CNBD1: variants seen among roughly 807,000 people sequenced by gnomAD.
CNBD1 encodes cyclic nucleotide binding domain containing 1.
Under a neutral mutation model 54.4 loss-of-function variants are expected in CNBD1, and 71 were observed. The ratio of observed to expected loss-of-function variants is 1.30; its 90% confidence interval spans 1.08 to 1.59. The LOEUF is 1.59. CNBD1 is among the 40% of genes most tolerant of loss of function. The probability of loss-of-function intolerance (pLI) is 0.00; values close to 1 mark genes in which losing one functional copy is unlikely to be tolerated. For missense variants in CNBD1, 659 were observed against 518.0 expected (o/e 1.27, Z -2.64); for synonymous variants, 182 against 170.7 (o/e 1.07, Z -0.51).
rs189586509 is a variant in CNBD1, at chr8:87,132,092, T to C, written c.432-73901T>C. Among the ~76,000 whole-genome samples, 9 of 152,122 alleles carry C rather than the reference T, an allele frequency of 5.9e-5. No homozygotes were observed. In the East Asian group the frequency reaches 1.7e-3, roughly 29 times the overall value. ...TTGCCTTATTTTTATATGTATGTAA[T>C]GTGTCTTGGGGCACTGCTTTTAAGA... On this transcript the variant is annotated intron_variant, in intron 4 of 10. Transcript: ENST00000518476.
At chr8:87,102,284 G>T (rs969980874) in intron 4 of CNBD1, among the ~76,000 whole-genome samples, 6 of 152,124 alleles carry the variant, frequency 3.9e-5, no homozygotes, top group African/African-American at 1.4e-4. Context: ...ATGGGTACAG[G>T]AGCAGACATA....
chr8:87,014,273 C>A, intron 4 of CNBD1, among the ~76,000 whole-genome samples: 1 of 41,930 alleles, frequency 2.4e-5, no homozygotes, highest in Admixed American at 3.4e-4. Context: ...GAATTGTTAG[C>A]AGTTTTTTTT....
chr8:87,320,845 T>C (rs1339499283), intron 8 of CNBD1, among the ~76,000 whole-genome samples: 2 of 152,142 alleles, frequency 1.3e-5, no homozygotes, highest in African/African-American at 4.8e-5. Context: ...AAATTTTATA[T>C]TCATTGCACA....
chr8:87,126,726 C>T (rs968124870), intron 4 of CNBD1, among the ~76,000 whole-genome samples: 2 of 151,804 alleles, frequency 1.3e-5, no homozygotes, highest in African/African-American at 4.8e-5. Flanking sequence ...CTCAAAGACA[C>T]AAGGAATTTC....
intron 4 of CNBD1, among the ~76,000 whole-genome samples, chr8:87,055,970 AATAATG>A (rs768801857): frequency 8.0e-5 from 12 of 150,772 alleles, no homozygotes; most frequent in Admixed American, 1.3e-4. Flanking sequence ...ATACTAAAAC[AATAATG>A]ATAATGAGAA....
chr8:87,113,975 G>A (rs113117262), intron 4 of CNBD1, among the ~76,000 whole-genome samples: 7 of 151,788 alleles, frequency 4.6e-5, no homozygotes, highest in Admixed American at 2.6e-4. Context: ...TAGTTCATTT[G>A]CAAAATAAAT....
intron 3 of CNBD1, among the ~76,000 whole-genome samples, chr8:86,923,562 CAG>C (rs138380802): frequency 1.6e-3 from 239 of 152,248 alleles, no homozygotes; most frequent in African/African-American, 5.4e-3. Context: ...AGATTGGACT[CAG>C]ATTCCCCGCC....
At chr8:87,186,431 T>C (rs758276916) in intron 4 of CNBD1, among the ~76,000 whole-genome samples, 5 of 152,110 alleles carry the variant, frequency 3.3e-5, no homozygotes, top group Non-Finnish European at 7.4e-5. Flanking sequence ...TTTACAACCA[T>C]CATTCCAGCT....
chr8:87,333,557 C>G (rs922700274), intron 8 of CNBD1, among the ~76,000 whole-genome samples: 1 of 152,058 alleles, frequency 6.6e-6, no homozygotes, highest in African/African-American at 2.4e-5. Context: ...CCATCAATAC[C>G]TAGTTTATTG....
chr8:87,143,966 T>C (rs1258459802), intron 4 of CNBD1, among the ~76,000 whole-genome samples: 1 of 152,208 alleles, frequency 6.6e-6, no homozygotes, highest in Non-Finnish European at 1.5e-5. Flanking sequence ...GGGTAAATTA[T>C]GACAAATACA....
chr8:86,998,474 A>G (rs575207048), intron 4 of CNBD1, among the ~76,000 whole-genome samples: 1 of 152,146 alleles, frequency 6.6e-6, no homozygotes, highest in Non-Finnish European at 1.5e-5. Flanking sequence ...TGTTTATGAG[A>G]GCTGAAGAAG....
intron 6 of CNBD1, among the ~76,000 whole-genome samples, chr8:87,267,934 A>T (rs767773612): frequency 1.3e-5 from 2 of 152,152 alleles, no homozygotes; most frequent in Admixed American, 6.5e-5. Flanking sequence ...TTAGTCTGCT[A>T]GTATTTTTGT....
chr8:87,303,565 A>G (rs1018885278), intron 8 of CNBD1, among the ~76,000 whole-genome samples: 1 of 152,230 alleles, frequency 6.6e-6, no homozygotes, highest in Non-Finnish European at 1.5e-5. Context: ...ACCATTCAGG[A>G]CATAGGCATG....
At position 87,315,745 on chromosome 8, in the gene CNBD1, G is replaced by T. The variant is rs574630813; in HGVS notation, c.1042+29074G>T. ...CAGCTGGGAATGTAGGTTGGTTAAT[G>T]GTTTCAAAATATAGTTAGATTGAAG... On this transcript the variant is annotated intron_variant, in intron 8 of 10. Coordinates refer to ENST00000518476, the MANE Select transcript of CNBD1 (RefSeq NM_173538.3). Among the ~76,000 whole-genome samples, 4 of 152,106 alleles carry T rather than the reference G, an allele frequency of 2.6e-5. No individual in the cohort carries two copies. In the South Asian group the frequency reaches 8.3e-4, roughly 32 times the overall value.
chr8:87,142,647 T>C (rs1416922752), intron 4 of CNBD1, among the ~76,000 whole-genome samples: 1 of 152,178 alleles, frequency 6.6e-6, no homozygotes, highest in Non-Finnish European at 1.5e-5. Flanking sequence ...GTACATTGTG[T>C]CTCTCTCCTA....
At chr8:87,002,917 T>C (rs1809022412) in intron 4 of CNBD1, among the ~76,000 whole-genome samples, 1 of 152,140 alleles carries the variant, frequency 6.6e-6, no homozygotes, top group Admixed American at 6.5e-5. Context: ...ATTATGTTTG[T>C]AAAAAAATAT....
At chr8:87,368,753 C>T (rs1182507709) in intron 10 of CNBD1, among the ~76,000 whole-genome samples, 1 of 151,990 alleles carries the variant, frequency 6.6e-6, no homozygotes, top group South Asian at 2.1e-4. Flanking sequence ...GCTGACCTTG[C>T]TTTTGTCTGT....
intron 1 of CNBD1, among the ~76,000 whole-genome samples, chr8:86,884,783 G>T (rs1039512560): frequency 6.6e-6 from 1 of 152,108 alleles, no homozygotes; most frequent in Non-Finnish European, 1.5e-5. Flanking sequence ...TGTTGCTATG[G>T]CTGCTGAACT....
intron 4 of CNBD1, among the ~76,000 whole-genome samples, chr8:87,195,008 C>T (rs980711154): frequency 2.6e-5 from 4 of 151,820 alleles, no homozygotes; most frequent in Non-Finnish European, 4.4e-5. Flanking sequence ...CTCAGCCTCC[C>T]GAGTAGCTGG....
Sources: gnomAD v4.1 joint callset for allele counts (sites outside exome capture counted in the v4.1 genomes callset) on GRCh38, gnomAD v4.1.1 for gene constraint, MANE v1.5 for transcripts, NCBI Gene and HGNC (gene_info 2026-07-23, HGNC 2026-07-21) for gene names.